USP7: variants seen among roughly 807,000 people sequenced by gnomAD.
USP7 encodes the protein ubiquitin specific peptidase 7.
A neutral mutation model predicts 162.9 loss-of-function variants in USP7; 9 were observed. The ratio of observed to expected loss-of-function variants is 0.06; its 90% CI spans 0.03 to 0.10. USP7 has a LOEUF of 0.10. Among genes scored for constraint, USP7 ranks in the 10% least tolerant of loss-of-function variants. USP7 has a pLI of 1.00. For synonymous variants in USP7, 562 were observed against 475.9 expected, an observed-to-expected ratio of 1.18 and a Z score of -2.35; for missense variants, 715 against 1,373.7, an observed-to-expected ratio of 0.52 and a Z score of 7.58.
intron 23 of USP7, 178 bp from the exon 24 acceptor site, chr16:8,898,817 C>T (rs950534425): frequency 1.6e-6 from 1 of 620,860 alleles, no homozygotes; most frequent in Non-Finnish European, 2.8e-6. Flanking sequence ...CGCTGTCACA[C>T]TTGAATGCTC....
rs2062011740 is a variant in USP7, at chr16:8,915,356, G to GA, written c.988-13dup. 1.1e-5 allele frequency: 17 copies of GA among 1,613,006 alleles called. No homozygotes were observed. The highest frequency in any genetic ancestry group is 1.4e-5 in the Non-Finnish European group (16 of 1,179,544). On this transcript the variant is annotated splice_polypyrimidine_tract_variant and intron_variant, in intron 9 of 30. Coordinates refer to ENST00000344836, the MANE Select transcript of USP7 (RefSeq NM_003470.3). ...CACTGGATATAGGACTGCAAATAAG[G>GA]AAAGTAAAAGTGGTTTAACTAGTAA...
Position 8,910,824 on chromosome 16 carries a change from A to C in USP7, c.1082T>G (p.Phe361Cys). ...TGCCACATAATCCACAAATGATTCA[A>C]ATACTTTAAAGAGAGAGAGAGAAAA... ...QLSIKGKKNI[F>C]ESFVDYVAVE... Residue 361 changes from phenylalanine (F) to cysteine (C), a missense_variant, in exon 11 of 31, where the codon TTT becomes TGT. Physicochemically the swap from Phe to Cys is radical, Grantham distance 205. This residue lies in a region of USP7 where 21 missense variants were observed against 23.8 expected (regional missense o/e 0.88). Transcript: ENST00000344836. The C allele has an allele frequency of 6.2e-7, 1 of 1,613,564 alleles. No homozygotes were observed. The highest frequency in any genetic ancestry group is 8.5e-7 in the Non-Finnish European group (1 of 1,179,756).
In USP7 at chr16:8,930,317, T is replaced by C; in HGVS notation, c.160A>G (p.Thr54Ala). Reference protein sequence around the residue: ...GNVALSDGHNTAEEDMEDDTS... With the variant: ...GNVALSDGHNAAEEDMEDDTS... ...CCATCCTCCATGTCCTCCTCCGCGG[T>C]GTTGTGTCCATCACTCAGGGCCACA... Residue 54 changes from threonine to alanine, a missense_variant, in exon 2 of 31, where the codon ACC (threonine) becomes GCC (alanine). Thr to Ala is a moderately conservative substitution (Grantham distance 58). Transcript: ENST00000344836. 6.2e-7 allele frequency: 1 copy of C among 1,613,236 alleles called. No individual in the cohort carries two copies. Among genetic ancestry groups the C allele is most frequent in the Non-Finnish European group, 8.5e-7 (1 of 1,179,598 alleles).
At chr16:8,895,300 C>CA in intron 27 of USP7, 150 bp from the exon 28 acceptor site, 1 of 1,261,082 alleles carries the variant, frequency 7.9e-7, no homozygotes, top group Non-Finnish European at 1.1e-6. Context: ...GAGTGATGGG[C>CA]ACTCATGGGA....
intron 25 of USP7, among the ~76,000 whole-genome samples, chr16:8,897,912 C>T (rs1056172228): frequency 6.6e-6 from 1 of 150,524 alleles, no homozygotes; most frequent in African/African-American, 2.4e-5. Context: ...AAAGAACCAC[C>T]TAAAATGTGG....
intron 25 of USP7, 50 bp downstream of exon 25, chr16:8,898,310 A>G (rs1260251739): frequency 2.1e-6 from 3 of 1,428,392 alleles, no homozygotes; most frequent in African/African-American, 1.4e-5. Flanking sequence ...GGTAGAAACA[A>G]TAAGCAAGTT....
intron 27 of USP7, 112 bp downstream of exon 27, chr16:8,895,530 C>G: frequency 2.1e-6 from 2 of 931,484 alleles, no homozygotes; most frequent in South Asian, 2.9e-5. Context: ...ACCTCGATTA[C>G]TGGTATAAAA....
chr16:8,949,754 C>T (rs992865858), intron 1 of USP7: 1 of 152,278 alleles, frequency 6.6e-6, no homozygotes, highest in African/African-American at 2.4e-5. Context: ...GCTTTCCTTA[C>T]GCAGAGACAC....
intron 11 of USP7, among the ~76,000 whole-genome samples, chr16:8,910,017 C>T (rs1281767275): frequency 6.6e-6 from 1 of 152,194 alleles, no homozygotes; most frequent in Non-Finnish European, 1.5e-5. Context: ...TGACAGCTGA[C>T]TACAAAATGG....
At position 8,923,427 on chromosome 16, in the gene USP7, A is replaced by C; in HGVS notation, c.185-14T>G. 1.2e-6 allele frequency: 2 copies of C among 1,613,382 alleles called. No homozygotes were observed. The highest frequency in any genetic ancestry group is 1.7e-6 in the Non-Finnish European group (2 of 1,179,476). Reference sequence around the variant, plus strand: ...GCCAACTGGTGTCTGCAAAAAAAACACATCATCAGTCACAGAGCCTGTGCA... The same window carrying C: ...GCCAACTGGTGTCTGCAAAAAAAACCCATCATCAGTCACAGAGCCTGTGCA... On this transcript the variant is annotated splice_polypyrimidine_tract_variant and intron_variant, in intron 2 of 30. Coordinates refer to ENST00000344836, the MANE Select transcript of USP7 (RefSeq NM_003470.3).
chr16:8,907,104 A>G (rs2061872693), intron 12 of USP7, among the ~76,000 whole-genome samples: 1 of 152,240 alleles, frequency 6.6e-6, no homozygotes, highest in African/African-American at 2.4e-5. Flanking sequence ...CGGCCTGCGA[A>G]GCAGCCACCA....
chr16:8,916,650 C>A, intron 7 of USP7, 94 bp from the exon 8 acceptor site: 2 of 1,215,742 alleles, frequency 1.6e-6, no homozygotes, highest in South Asian at 1.4e-5. Context: ...ACTGGATAAT[C>A]AGCTATTATT....
At chr16:8,922,404 C>A (rs1276057559) in intron 3 of USP7, among the ~76,000 whole-genome samples, 6 of 152,348 alleles carry the variant, frequency 3.9e-5, no homozygotes, top group Admixed American at 3.3e-4. Context: ...AGGAGAATCG[C>A]TTGAACCCGG....
rs1445462651 is a variant in USP7, at chr16:8,954,164, CG to C, written c.79+9042del. Among the ~76,000 whole-genome samples the C allele has an allele frequency of 3.8e-4, 22 of 57,934 alleles. 1 individual carries two copies. The highest frequency in any genetic ancestry group is 8.8e-4 in the East Asian group (1 of 1,134). The allele number at this position is 57,934 out of a possible 152,430, so 38.0% of individuals were successfully genotyped here. On this transcript the variant is annotated intron_variant, in intron 1 of 30. Transcript: ENST00000344836. ...CGCCACTGGAGGCAGAGGGAAGACA[CG>C]TGCCCCCTGCGGTGCCACTGGAGGC... is the stretch of plus-strand genomic sequence containing the variant.
Position 8,924,866 on chromosome 16 carries a change from G to A in USP7, c.185-1453C>T, listed in dbSNP as rs185038975. ...TTATTTTATTTCACATAACCCTGCT[G>A]AGTTGCTTACAGCACAGGAACTTTG... On this transcript the variant is annotated intron_variant, in intron 2 of 30. Transcript: ENST00000344836. Among the ~76,000 whole-genome samples the A allele has an allele frequency of 3.1e-4, 47 of 152,310 alleles. No homozygotes were observed. The East Asian group carries it at 8.1e-3, about 26-fold the overall frequency.
intron 1 of USP7, among the ~76,000 whole-genome samples, chr16:8,960,302 T>G (rs1353135307): frequency 1.3e-5 from 2 of 152,160 alleles, no homozygotes; most frequent in Non-Finnish European, 2.9e-5. Flanking sequence ...GCCCCACCTC[T>G]TCCCTCTCCG....
chr16:8,939,666 T>C (rs1898941835), intron 1 of USP7, among the ~76,000 whole-genome samples: 1 of 152,250 alleles, frequency 6.6e-6, no homozygotes, highest in Non-Finnish European at 1.5e-5. Flanking sequence ...GCATTCTCAA[T>C]GTAATGTTCA....
At chr16:8,956,513 C>T (rs1188307859) in intron 1 of USP7, 1 of 152,328 alleles carries the variant, frequency 6.6e-6, no homozygotes, top group African/African-American at 2.4e-5. Context: ...GCCTGTAATC[C>T]CAACACTTTG....
At position 8,892,749 on chromosome 16, in the gene USP7, C is replaced by T. The variant is rs1180896137; in HGVS notation, c.*1249G>A. The T allele has an allele frequency of 6.6e-6, 1 of 152,154 alleles. No homozygotes were observed. Among genetic ancestry groups the T allele is most frequent in the African/African-American group, 2.4e-5 (1 of 41,442 alleles). 9.4% of individuals were successfully genotyped at this position (152,154 alleles called of 1,614,324 possible). ...TTCCAGGGAGAGTAGAAATCTTCCT[C>T]CACTTCCACGTAACTCACTGAATTA... is the stretch of plus-strand genomic sequence containing the variant. On this transcript the variant is annotated 3_prime_UTR_variant, in exon 31 of 31. Transcript: ENST00000344836.
Sources: gnomAD v4.1 joint callset for allele counts (sites outside exome capture counted in the v4.1 genomes callset) on GRCh38, gnomAD v4.1.1 for gene constraint, gnomAD v4.1.1 regional missense constraint, MANE v1.5 for transcripts, NCBI Gene and HGNC (gene_info 2026-07-23, HGNC 2026-07-21) for gene names.